The following DPYD variants were observed in gnomAD, a reference collection of about 807,000 sequenced individuals.
The protein encoded by DPYD is dihydropyrimidine dehydrogenase [NADP(+)].
In DPYD, 109 loss-of-function variants were observed where a neutral mutation model predicts 116.2. The ratio of observed to expected loss-of-function variants is 0.94; its 90% CI spans 0.80 to 1.10. The LOEUF (loss-of-function observed/expected upper bound fraction) is 1.10. Among genes scored for constraint, DPYD ranks in the 50% least tolerant of loss-of-function variants. The probability of loss-of-function intolerance (pLI) is 0.00; values close to 1 mark genes in which losing one functional copy is unlikely to be tolerated. For missense variants in DPYD, 1,302 were observed against 1,254.5 expected, an observed-to-expected ratio of 1.04 and a Z score of -0.57; for synonymous variants, 440 against 432.0, an observed-to-expected ratio of 1.02 and a Z score of -0.23.
At chr1:97,663,091 T>C (rs1553215081) in intron 8 of DPYD, among the ~76,000 whole-genome samples, 3 of 152,190 alleles carry the variant, frequency 2.0e-5, no homozygotes, top group African/African-American at 4.8e-5. Flanking sequence ...AGATTCATAC[T>C]AGCAAATAGC....
chr1:97,586,409 TA>T (rs1214753457), intron 10 of DPYD: 1 of 134,716 alleles, frequency 7.4e-6, no homozygotes, highest in Non-Finnish European at 1.5e-5. Flanking sequence ...ACACACCAGG[TA>T]AAAAACGTTC....
At chr1:97,875,750 C>A (rs1671880502) in intron 2 of DPYD, among the ~76,000 whole-genome samples, 1 of 151,874 alleles carries the variant, frequency 6.6e-6, no homozygotes, top group Non-Finnish European at 1.5e-5. Context: ...TTTCCTAAGA[C>A]ACACACGCAA....
chr1:97,657,153 G>C (rs141777504), intron 8 of DPYD, among the ~76,000 whole-genome samples: 1 of 151,786 alleles, frequency 6.6e-6, no homozygotes, highest in African/African-American at 2.4e-5. Context: ...ATTTTTAGTA[G>C]AGATGGGGTT....
chr1:97,293,554 A>G (rs143367046), intron 18 of DPYD, among the ~76,000 whole-genome samples: 19 of 152,350 alleles, frequency 1.2e-4, no homozygotes, highest in Non-Finnish European at 2.2e-4. Flanking sequence ...TCTGACATCT[A>G]ACACATAGTA....
At chr1:97,154,706 C>CAA (rs35900828) in intron 20 of DPYD, among the ~76,000 whole-genome samples, 2 of 122,914 alleles carry the variant, frequency 1.6e-5, no homozygotes, top group African/African-American at 3.0e-5. Flanking sequence ...GACTCCATCT[C>CAA]AAAAAAAAAA....
chr1:97,843,989 G>GC (rs2101542650), intron 2 of DPYD, among the ~76,000 whole-genome samples: 1 of 152,012 alleles, frequency 6.6e-6, no homozygotes, highest in East Asian at 1.9e-4. Flanking sequence ...AACACTACAG[G>GC]GAAAGAAAGG....
chr1:97,282,557 A>T (rs909826669), intron 18 of DPYD, among the ~76,000 whole-genome samples: 5 of 152,138 alleles, frequency 3.3e-5, no homozygotes, highest in African/African-American at 4.8e-5. Context: ...TAAAATTTTT[A>T]AAATAAAATT....
intron 19 of DPYD, among the ~76,000 whole-genome samples, chr1:97,220,112 C>T (rs1660685638): frequency 6.6e-6 from 1 of 152,092 alleles, no homozygotes; most frequent in South Asian, 2.1e-4. Context: ...ACTCAATCTC[C>T]AATGTGGCAG....
intron 2 of DPYD, among the ~76,000 whole-genome samples, chr1:97,873,283 A>C (rs1312322192): frequency 6.6e-6 from 1 of 152,008 alleles, no homozygotes; most frequent in Non-Finnish European, 1.5e-5. Flanking sequence ...TAAGTTTCAA[A>C]GTGAAATAAT....
chr1:97,239,498 G>A (rs1026288650), intron 18 of DPYD, among the ~76,000 whole-genome samples: 6 of 151,392 alleles, frequency 4.0e-5, no homozygotes, highest in African/African-American at 1.5e-4. Flanking sequence ...TCATCAGTTT[G>A]TGTCCTAACT....
intron 18 of DPYD, among the ~76,000 whole-genome samples, chr1:97,290,562 C>T (rs557151297): frequency 2.0e-5 from 3 of 152,054 alleles, no homozygotes; most frequent in Non-Finnish European, 4.4e-5. Context: ...CTTTGAGAAA[C>T]CTGACAAAAA....
intron 14 of DPYD, among the ~76,000 whole-genome samples, chr1:97,430,424 A>G (rs567210034): frequency 1.5e-4 from 23 of 152,180 alleles, no homozygotes; most frequent in Non-Finnish European, 2.8e-4. Context: ...GTATTTTGAC[A>G]GTTGCCTTTA....
intron 3 of DPYD, among the ~76,000 whole-genome samples, chr1:97,767,267 C>G (rs572038659): frequency 6.6e-6 from 1 of 152,082 alleles, no homozygotes; most frequent in Admixed American, 6.6e-5. Flanking sequence ...TAACTGAGAC[C>G]AGGGATGGTA....
chr1:97,458,809 T>C (rs1229418884), intron 13 of DPYD, among the ~76,000 whole-genome samples: 2 of 152,178 alleles, frequency 1.3e-5, no homozygotes, highest in Admixed American at 1.3e-4. Context: ...GGTTTAAAAG[T>C]GGTTCCTAGT....
At chr1:97,584,376 T>C (rs1238479904) in intron 10 of DPYD, among the ~76,000 whole-genome samples, 1 of 152,092 alleles carries the variant, frequency 6.6e-6, no homozygotes, top group Non-Finnish European at 1.5e-5. Context: ...TTCACTCTGA[T>C]GGTGGTTTCT....
intron 14 of DPYD, among the ~76,000 whole-genome samples, chr1:97,432,311 C>T (rs955310967): frequency 2.6e-5 from 4 of 152,246 alleles, no homozygotes; most frequent in Middle Eastern, 3.4e-3. Flanking sequence ...AGTGCCTATG[C>T]TAATTTACTA....
intron 16 of DPYD, among the ~76,000 whole-genome samples, chr1:97,371,253 CAG>C (rs1671296312): frequency 6.6e-6 from 1 of 152,242 alleles, no homozygotes; most frequent in African/African-American, 2.4e-5. Flanking sequence ...GTGTCTCTGG[CAG>C]ATAAATATTT....
At chr1:97,842,630 G>T (rs533559365) in intron 2 of DPYD, among the ~76,000 whole-genome samples, 1 of 151,914 alleles carries the variant, frequency 6.6e-6, no homozygotes, top group South Asian at 2.1e-4. Context: ...CTAACATCAC[G>T]ATTATTATTT....
At chr1:97,823,318 C>T (rs1669060067) in intron 3 of DPYD, among the ~76,000 whole-genome samples, 1 of 152,126 alleles carries the variant, frequency 6.6e-6, no homozygotes, top group Non-Finnish European at 1.5e-5. Flanking sequence ...CCATACCCGG[C>T]TAATTTTTTG....
Sources: gnomAD v4.1 joint callset for allele counts (sites outside exome capture counted in the v4.1 genomes callset) on GRCh38, gnomAD v4.1.1 for gene constraint, MANE v1.5 for transcripts, NCBI Gene and HGNC (gene_info 2026-07-23, HGNC 2026-07-21) for gene names.